Variants in CACNA2D3 observed in about 807,000 individuals in gnomAD.
CACNA2D3 encodes the protein voltage-dependent calcium channel subunit alpha-2/delta-3.
CACNA2D3 carries 60 observed loss-of-function variants against 160.6 expected under a neutral mutation model. The observed-to-expected ratio is 0.37, with a 90% CI of 0.30 to 0.46. CACNA2D3 has a LOEUF of 0.46. Ranked by LOEUF, CACNA2D3 falls within the 20% of genes least tolerant of loss-of-function variation. The pLI is 1.00. For missense variants in CACNA2D3, 1,205 were observed against 1,365.0 expected, an observed-to-expected ratio of 0.88 and a Z score of 1.85; for synonymous variants, 558 against 492.9, an observed-to-expected ratio of 1.13 and a Z score of -1.75.
intron 2 of CACNA2D3, among the ~76,000 whole-genome samples, chr3:54,126,591 A>C (rs935988496): frequency 2.0e-5 from 3 of 152,182 alleles, no homozygotes; most frequent in Non-Finnish European, 4.4e-5. Context: ...TAGAAATAGG[A>C]TAGTTTTGAT....
At chr3:54,771,420 C>T (rs953110317) in intron 13 of CACNA2D3, among the ~76,000 whole-genome samples, 24 of 152,166 alleles carry the variant, frequency 1.6e-4, no homozygotes, top group African/African-American at 5.1e-4. Context: ...TACAAGGAAG[C>T]GTTGGCTGCA....
intron 27 of CACNA2D3, among the ~76,000 whole-genome samples, chr3:54,957,693 C>T (rs1701935463): frequency 1.6e-5 from 2 of 123,898 alleles, no homozygotes; most frequent in South Asian, 6.1e-4. Context: ...CCAGGCCCCA[C>T]CCAGTCAGGA....
At chr3:54,871,223 A>ACACCC (rs1553897938) in intron 17 of CACNA2D3, among the ~76,000 whole-genome samples, 4 of 143,966 alleles carry the variant, frequency 2.8e-5, no homozygotes, top group African/African-American at 1.0e-4. Context: ...ACACACACAC[A>ACACCC]CCCCCCATTC....
chr3:54,228,839 C>T (rs1283126703), intron 2 of CACNA2D3, among the ~76,000 whole-genome samples: 1 of 152,212 alleles, frequency 6.6e-6, no homozygotes, highest in African/African-American at 2.4e-5. Context: ...GGGCTTCAGA[C>T]ATGCCAGAGC....
At chr3:54,655,435 G>T (rs530821591) in intron 11 of CACNA2D3, among the ~76,000 whole-genome samples, 3 of 152,168 alleles carry the variant, frequency 2.0e-5, no homozygotes, top group Admixed American at 1.3e-4. Flanking sequence ...TCAACCACTC[G>T]CATTGTTAAA....
intron 5 of CACNA2D3, among the ~76,000 whole-genome samples, chr3:54,530,095 C>T (rs1283072676): frequency 6.6e-6 from 1 of 152,202 alleles, no homozygotes; most frequent in Non-Finnish European, 1.5e-5. Flanking sequence ...GGGATGTGAA[C>T]ATCTTAGGCA....
intron 11 of CACNA2D3, among the ~76,000 whole-genome samples, chr3:54,724,475 G>A (rs1018496191): frequency 6.6e-6 from 1 of 152,144 alleles, no homozygotes; most frequent in African/African-American, 2.4e-5. Flanking sequence ...ATTCTTTTCA[G>A]CGCCTCACTG....
chr3:54,273,853 G>A (rs1279825884), intron 2 of CACNA2D3, among the ~76,000 whole-genome samples: 1 of 152,168 alleles, frequency 6.6e-6, no homozygotes, highest in Non-Finnish European at 1.5e-5. Flanking sequence ...TGAAAGTTGT[G>A]TCTGTGCTAG....
intron 2 of CACNA2D3, among the ~76,000 whole-genome samples, chr3:54,199,777 A>G (rs532873715): frequency 1.3e-5 from 2 of 152,334 alleles, no homozygotes; most frequent in South Asian, 4.1e-4. Context: ...ACTAGATTTT[A>G]TGGCAAATTA....
At chr3:54,281,655 T>C (rs1197491368) in intron 2 of CACNA2D3, among the ~76,000 whole-genome samples, 1 of 152,226 alleles carries the variant, frequency 6.6e-6, no homozygotes, top group African/African-American at 2.4e-5. Context: ...TTTATTGATG[T>C]CTTCCTGCCT....
chr3:55,010,101 G>A (rs1215769597), intron 34 of CACNA2D3, among the ~76,000 whole-genome samples: 2 of 152,048 alleles, frequency 1.3e-5, no homozygotes, highest in Non-Finnish European at 2.9e-5. Context: ...ATCATATTAC[G>A]TGCTGACCAC....
intron 2 of CACNA2D3, among the ~76,000 whole-genome samples, chr3:54,201,978 A>G (rs1336347261): frequency 6.6e-6 from 1 of 152,204 alleles, no homozygotes; most frequent in East Asian, 1.9e-4. Context: ...AAGAAATTAA[A>G]CTATGGGGCA....
At chr3:54,841,443 G>A (rs978273050) in intron 16 of CACNA2D3, among the ~76,000 whole-genome samples, 13 of 152,290 alleles carry the variant, frequency 8.5e-5, no homozygotes, top group Non-Finnish European at 1.5e-4. Context: ...TATGGCATAA[G>A]TTAACCTAAG....
At chr3:54,150,371 T>A (rs1423705391) in intron 2 of CACNA2D3, among the ~76,000 whole-genome samples, 1 of 152,174 alleles carries the variant, frequency 6.6e-6, no homozygotes, top group African/African-American at 2.4e-5. Context: ...TGGAATCTTT[T>A]CATTCCAGGG....
intron 5 of CACNA2D3, among the ~76,000 whole-genome samples, chr3:54,554,170 G>A (rs1261987843): frequency 8.9e-6 from 1 of 112,278 alleles, no homozygotes; most frequent in Non-Finnish European, 2.0e-5. Context: ...TATGACCTCT[G>A]GGAGGGTCAT....
At chr3:55,069,030 T>G (rs979597528) in intron 35 of CACNA2D3, among the ~76,000 whole-genome samples, 2 of 152,210 alleles carry the variant, frequency 1.3e-5, no homozygotes, top group Non-Finnish European at 2.9e-5. Flanking sequence ...GACTTAAATT[T>G]TTACCCATGT....
intron 27 of CACNA2D3, chr3:54,901,055 A>G (rs1375144246): frequency 6.6e-6 from 1 of 152,194 alleles, no homozygotes; most frequent in Non-Finnish European, 1.5e-5. Context: ...TGCTGTCTTC[A>G]AATTTTGTCA....
chr3:54,289,011 A>G (rs1296602275), intron 2 of CACNA2D3, among the ~76,000 whole-genome samples: 1 of 152,196 alleles, frequency 6.6e-6, no homozygotes, highest in Non-Finnish European at 1.5e-5. Flanking sequence ...AACTGGCACA[A>G]GACAGGGATG....
intron 2 of CACNA2D3, among the ~76,000 whole-genome samples, chr3:54,300,016 G>A (rs1003335751): frequency 1.3e-5 from 2 of 152,246 alleles, no homozygotes. Flanking sequence ...GTATTTTTCC[G>A]CTTCTTTAGT....
Sources: allele counts gnomAD v4.1 joint callset (sites outside exome capture counted in the v4.1 genomes callset), GRCh38; gene constraint gnomAD v4.1.1; transcripts MANE v1.5; gene names NCBI Gene and HGNC (gene_info 2026-07-23, HGNC 2026-07-21).